Variants in ATP2B2 observed in about 807,000 individuals in gnomAD.
ATP2B2 encodes ATPase plasma membrane Ca2+ transporting 2, also known as plasma membrane calcium-transporting ATPase 2.
Under a neutral mutation model 120.0 loss-of-function variants are expected in ATP2B2, and 15 were observed. The observed-to-expected ratio is 0.12, with a 90% CI of 0.08 to 0.19. ATP2B2 has a LOEUF of 0.19. Among genes scored for constraint, ATP2B2 ranks in the 10% least tolerant of loss-of-function variants. ATP2B2 has a pLI of 1.00. For synonymous variants in ATP2B2, 694 were observed against 700.3 expected (o/e 0.99, Z 0.14); for missense variants, 1,045 against 1,719.8 (o/e 0.61, Z 6.94).
chr3:10,363,068 A>G (rs571602385), intron 12 of ATP2B2, among the ~76,000 whole-genome samples: 10 of 152,304 alleles, frequency 6.6e-5, no homozygotes, highest in Non-Finnish European at 1.3e-4. Flanking sequence ...CCTGCAAAAC[A>G]CTCAGGATTT....
rs1453313753 is a variant in ATP2B2 at position 10,538,503 on chromosome 3, C to T, written c.-414-4370G>A. 2.6e-5 allele frequency among the ~76,000 whole-genome samples: 4 copies of T among 152,280 alleles called. No individual in the cohort carries two copies. The South Asian group carries it at 6.2e-4, about 24-fold the overall frequency. On this transcript the variant is annotated intron_variant, in intron 2 of 21. Transcript: ENST00000646379. ...TAAAATACTGGCAAACTGAATCCAGCAGCACATCAAAAAGCTTATCCGCCA... is the reference window on the plus strand; with the variant it reads ...TAAAATACTGGCAAACTGAATCCAGTAGCACATCAAAAAGCTTATCCGCCA...
Position 10,359,873 on chromosome 3 carries a change from A to G in ATP2B2, c.1901+9T>C. 1 of 1,614,146 alleles carries G rather than the reference A, an allele frequency of 6.2e-7. No individual in the cohort carries two copies. Among genetic ancestry groups the G allele is most frequent in the Non-Finnish European group, 8.5e-7 (1 of 1,180,012 alleles). On this transcript the variant is annotated intron_variant, in intron 13 of 22. Coordinates refer to ENST00000360273, the MANE Select transcript of ATP2B2 (RefSeq NM_001001331.4). ...AGCCCTCAGCCCCGGTGCCCTGCCC[A>G]GCGCTTACTTCTTGAGCACGATCTC...
At chr3:10,576,056 T>C (rs989312920) in intron 2 of ATP2B2, among the ~76,000 whole-genome samples, 3 of 152,228 alleles carry the variant, frequency 2.0e-5, no homozygotes, top group African/African-American at 7.2e-5. Flanking sequence ...AACGTGTTCA[T>C]TTCACACATG....
chr3:10,461,045 C>T (rs1472348080), intron 1 of ATP2B2, among the ~76,000 whole-genome samples: 2 of 152,126 alleles, frequency 1.3e-5, no homozygotes, highest in Non-Finnish European at 2.9e-5. Flanking sequence ...CTATGTGTTC[C>T]AAGAATGCGG....
intron 2 of ATP2B2, among the ~76,000 whole-genome samples, chr3:10,557,418 G>A (rs537095316): frequency 5.1e-4 from 77 of 152,356 alleles, no homozygotes; most frequent in Non-Finnish European, 9.6e-4. Flanking sequence ...TAGATTCCCA[G>A]GGAGTTTGTG....
chr3:10,553,154 GTAT>G (rs1442427482), intron 2 of ATP2B2, among the ~76,000 whole-genome samples: 3 of 152,226 alleles, frequency 2.0e-5, no homozygotes, highest in African/African-American at 7.2e-5. Flanking sequence ...ATTCTATGGA[GTAT>G]TATTATTTAC....
intron 3 of ATP2B2, among the ~76,000 whole-genome samples, chr3:10,530,069 T>G (rs534340882): frequency 6.6e-6 from 1 of 152,332 alleles, no homozygotes; most frequent in East Asian, 1.9e-4. Flanking sequence ...TTTGTGGTCA[T>G]GTGTCACGGC....
At chr3:10,603,658 G>T (rs1210994939) in intron 2 of ATP2B2, among the ~76,000 whole-genome samples, 5 of 152,120 alleles carry the variant, frequency 3.3e-5, no homozygotes, top group Non-Finnish European at 7.3e-5. Flanking sequence ...CGGTAACCCA[G>T]CTGTTCTCTA....
chr3:10,687,890 G>C (rs2071562139), intron 1 of ATP2B2, among the ~76,000 whole-genome samples: 1 of 151,848 alleles, frequency 6.6e-6, no homozygotes, highest in African/African-American at 2.4e-5. Flanking sequence ...AGAACCATTG[G>C]GCCGCAAGAC....
At chr3:10,675,415 A>T (rs1236063163) in intron 1 of ATP2B2, among the ~76,000 whole-genome samples, 1 of 152,208 alleles carries the variant, frequency 6.6e-6, no homozygotes, top group Non-Finnish European at 1.5e-5. Context: ...AGCTATGTAT[A>T]TCTGTGGTTC....
At chr3:10,344,182 A>C (rs1307323370) in intron 18 of ATP2B2, among the ~76,000 whole-genome samples, 1 of 151,846 alleles carries the variant, frequency 6.6e-6, no homozygotes, top group African/African-American at 2.4e-5. Context: ...TCTTCTTATC[A>C]ATGCTGCATG....
At chr3:10,701,201 T>G (rs1273532348) in intron 1 of ATP2B2, among the ~76,000 whole-genome samples, 1 of 152,222 alleles carries the variant, frequency 6.6e-6, no homozygotes, top group Admixed American at 6.5e-5. Flanking sequence ...TATCTACTCC[T>G]GATGGCAGCG....
intron 1 of ATP2B2, among the ~76,000 whole-genome samples, chr3:10,694,909 T>G: frequency 6.6e-6 from 1 of 151,580 alleles, no homozygotes. Flanking sequence ...AAACTGAAGG[T>G]CTCTATGGCC....
At chr3:10,606,912 C>CACACACACACACACAG (rs1405755716) in intron 2 of ATP2B2, among the ~76,000 whole-genome samples, 6 of 62,588 alleles carry the variant, frequency 9.6e-5, no homozygotes, top group South Asian at 9.7e-4. Context: ...CACACACACA[C>CACACACACACACACAG]AGAGAGAGAG....
rs1435271123 is a variant in ATP2B2 at position 10,346,938 on chromosome 3, A to G, written c.2405-801T>C. Among the ~76,000 whole-genome samples the G allele has an allele frequency of 6.6e-6, 1 of 151,662 alleles. No individual in the cohort carries two copies. The highest frequency in any genetic ancestry group is 1.5e-5 in the Non-Finnish European group (1 of 67,886). On this transcript the variant is annotated intron_variant, in intron 16 of 22. Coordinates refer to ENST00000360273, the MANE Select transcript of ATP2B2 (RefSeq NM_001001331.4). This position sits in a 1 kb window ranked among gnomAD's most constrained non-coding sequence, Gnocchi z 4.1. ...GAAACCCTTCCTTTTCTCTGTCTCCACCCTCTGCCACCAGCATCACTTTGT... is the reference window on the plus strand; with the variant it reads ...GAAACCCTTCCTTTTCTCTGTCTCCGCCCTCTGCCACCAGCATCACTTTGT...
chr3:10,438,110 A>C (rs559183871), intron 2 of ATP2B2, among the ~76,000 whole-genome samples: 1 of 152,230 alleles, frequency 6.6e-6, no homozygotes, highest in South Asian at 2.1e-4. Context: ...GCCCATACCC[A>C]CTGTGTGCTG....
At chr3:10,608,587 G>A (rs934642179) in intron 2 of ATP2B2, among the ~76,000 whole-genome samples, 4 of 152,146 alleles carry the variant, frequency 2.6e-5, no homozygotes, top group African/African-American at 7.2e-5. Context: ...CACCACATAC[G>A]ATCACATTTT....
At chr3:10,417,558 C>T (rs949541842) in intron 2 of ATP2B2, among the ~76,000 whole-genome samples, 1 of 152,200 alleles carries the variant, frequency 6.6e-6, no homozygotes. Context: ...GTTCCCCCAC[C>T]CTTCTCAGGC....
At chr3:10,613,105 T>C (rs1230516606) in intron 2 of ATP2B2, among the ~76,000 whole-genome samples, 1 of 152,220 alleles carries the variant, frequency 6.6e-6, no homozygotes, top group Non-Finnish European at 1.5e-5. Context: ...CATGTCTATG[T>C]GATGAGGCTC....
Sources: allele counts gnomAD v4.1 joint callset (sites outside exome capture counted in the v4.1 genomes callset), GRCh38; gene constraint gnomAD v4.1.1; non-coding constraint Gnocchi (gnomAD v3.1); transcripts MANE v1.5; gene names NCBI Gene and HGNC (gene_info 2026-07-23, HGNC 2026-07-21).